Variants in PID1 observed in about 807,000 individuals in gnomAD.
PID1 encodes the protein PTB-containing, cubilin and LRP1-interacting protein.
Under a neutral mutation model 19.1 loss-of-function variants are expected in PID1, and 10 were observed. That is an observed-to-expected ratio of 0.52 (90% CI 0.32 to 0.89). PID1 has a LOEUF of 0.89. Among genes scored for constraint, PID1 ranks in the 40% least tolerant of loss-of-function variants. The pLI, the probability that PID1 is intolerant of heterozygous loss-of-function variation, is 0.03. For synonymous variants in PID1, 130 were observed against 116.0 expected (o/e 1.12, Z -0.78); for missense variants, 248 against 285.3 (o/e 0.87, Z 0.94).
At chr2:229,147,539 A>G (rs1435007896) in intron 2 of PID1, among the ~76,000 whole-genome samples, 2 of 151,968 alleles carry the variant, frequency 1.3e-5, no homozygotes, top group Non-Finnish European at 2.9e-5. Flanking sequence ...TTTTATAAAA[A>G]TGGATACTAA....
chr2:229,224,228 G>C (rs571582179), intron 1 of PID1, among the ~76,000 whole-genome samples: 3 of 152,190 alleles, frequency 2.0e-5, no homozygotes, highest in African/African-American at 7.2e-5. Context: ...ATACACTGTT[G>C]TTGGGAATGT....
Position 229,177,710 on chromosome 2 carries a change from T to C in PID1, c.31-21746A>G, listed in dbSNP as rs150477947. Among the ~76,000 whole-genome samples the C allele has an allele frequency of 3.9e-5, 6 of 152,314 alleles. No homozygotes were observed. The East Asian group carries it at 7.7e-4, about 20-fold the overall frequency. ...ACAGACTAGGGGAACAACTATCCAG[T>C]TGAACCCCTGGCATCTTTCATCATC... is the stretch of plus-strand genomic sequence containing the variant. On this transcript the variant is annotated intron_variant, in intron 1 of 2. Transcript: ENST00000392055.
At chr2:229,164,416 T>C (rs1690557662) in intron 1 of PID1, among the ~76,000 whole-genome samples, 1 of 152,010 alleles carries the variant, frequency 6.6e-6, no homozygotes. Context: ...TATAACACAA[T>C]ATAAACAGGT....
rs565296907 is a variant in PID1, at chr2:229,271,119, C to T, written c.-76G>A. 2 of 1,485,902 alleles carry T rather than the reference C, an allele frequency of 1.3e-6. No homozygotes were observed. The highest frequency in any genetic ancestry group is 1.2e-5 in the South Asian group (1 of 81,270). The allele number at this position is 1,485,902 out of a possible 1,614,324, so 92.0% of individuals were successfully genotyped here. On this transcript the variant is annotated 5_prime_UTR_variant, in exon 1 of 3. Coordinates refer to ENST00000392055, the MANE Select transcript of PID1 (RefSeq NM_001100818.2). ...CGCCGGGGGGCGAGGGGCTGGGGTCCCGCTTTACATCTGGGGTCGGTGTCC... is the reference window on the plus strand; with the variant it reads ...CGCCGGGGGGCGAGGGGCTGGGGTCTCGCTTTACATCTGGGGTCGGTGTCC...
At position 229,184,102 on chromosome 2, in the gene PID1, A is replaced by C. The variant is rs1231768475; in HGVS notation, c.31-28138T>G. 1.2e-4 allele frequency among the ~76,000 whole-genome samples: 3 copies of C among 24,880 alleles called. 1 individual carries two copies. Among genetic ancestry groups the C allele is most frequent in the Non-Finnish European group, 2.1e-4 (3 of 14,598 alleles). 16.3% of individuals were successfully genotyped at this position (24,880 alleles called of 152,430 possible). A position where few individuals can be genotyped will look rare whatever the true frequency, so the allele number is the denominator to read the frequency against. On this transcript the variant is annotated intron_variant, in intron 1 of 2. Transcript: ENST00000392055. ...TATCCCATATATATATCCCATATGT[A>C]TATCCCATATGTATATCCCATATGT...
intron 2 of PID1, among the ~76,000 whole-genome samples, chr2:229,042,217 ATAAAG>A (rs1265089200): frequency 6.6e-6 from 1 of 152,176 alleles, no homozygotes; most frequent in Non-Finnish European, 1.5e-5. Flanking sequence ...AATATAAATG[ATAAAG>A]TAAATAAATA....
At chr2:229,197,220 G>A (rs1691396682) in intron 1 of PID1, among the ~76,000 whole-genome samples, 1 of 151,958 alleles carries the variant, frequency 6.6e-6, no homozygotes, top group Non-Finnish European at 1.5e-5. Flanking sequence ...AATTATATAA[G>A]TAATAGTGGC....
chr2:229,152,883 A>C (rs1338286211), intron 2 of PID1, among the ~76,000 whole-genome samples: 6 of 151,990 alleles, frequency 3.9e-5, no homozygotes, highest in Non-Finnish European at 8.8e-5. Flanking sequence ...CCCAAACCCA[A>C]AGTTATAAGA....
intron 1 of PID1, among the ~76,000 whole-genome samples, chr2:229,246,323 T>C (rs926064122): frequency 2.6e-5 from 4 of 152,140 alleles, no homozygotes; most frequent in African/African-American, 9.7e-5. Flanking sequence ...GTAAATACCA[T>C]CCTCATTCAC....
In PID1 at chr2:229,240,689, G is replaced by A. The variant is rs949982267; in HGVS notation, c.30+30325C>T. On this transcript the variant is annotated intron_variant, in intron 1 of 2. Transcript: ENST00000392055. ...TATGATTTGCCTAAAAAACAAAAGTGTAGTTTTCTTTAGATGTCTCCCACT... is the reference window on the plus strand; with the variant it reads ...TATGATTTGCCTAAAAAACAAAAGTATAGTTTTCTTTAGATGTCTCCCACT... Among the ~76,000 whole-genome samples, 8 of 152,072 alleles carry A rather than the reference G, an allele frequency of 5.3e-5. 1 individual carries two copies. Among genetic ancestry groups the A allele is most frequent in the Admixed American group, 2.6e-4 (4 of 15,266 alleles).
At chr2:229,067,630 C>G (rs1050809477) in intron 2 of PID1, among the ~76,000 whole-genome samples, 1 of 152,146 alleles carries the variant, frequency 6.6e-6, no homozygotes, top group Non-Finnish European at 1.5e-5. Flanking sequence ...CTCTGCCCTG[C>G]CCATTACCAA....
chr2:229,055,783 A>G (rs1206837298), intron 2 of PID1, among the ~76,000 whole-genome samples: 1 of 152,228 alleles, frequency 6.6e-6, no homozygotes, highest in Non-Finnish European at 1.5e-5. Flanking sequence ...GGATTTGAAC[A>G]TTCTTCGGCA....
intron 2 of PID1, among the ~76,000 whole-genome samples, chr2:229,086,463 C>T (rs1694768338): frequency 6.6e-6 from 1 of 152,128 alleles, no homozygotes; most frequent in Non-Finnish European, 1.5e-5. Flanking sequence ...ACAGTTTCTA[C>T]TGAAGCCATA....
rs1369296334 is a variant in PID1 at position 229,025,652 on chromosome 2, A to G, written c.634T>C (p.Leu212=). Residue 212 remains leucine, a synonymous_variant, in exon 3 of 3, where the codon TTG becomes CTG. Coordinates refer to ENST00000392055, the MANE Select transcript of PID1 (RefSeq NM_001100818.2). ...NSSSEEVSQE[L]ESDDG is the part of the protein sequence containing the mutation. ...TTCATTCAGCCATCATCGGATTCCA[A>G]TTCCTGGGAAACCTCTTCGGAGGAG... 13 of 1,610,478 alleles carry G rather than the reference A, an allele frequency of 8.1e-6. No homozygotes were observed. Among genetic ancestry groups the G allele is most frequent in the Non-Finnish European group, 1.0e-5 (12 of 1,176,906 alleles).
intron 2 of PID1, among the ~76,000 whole-genome samples, chr2:229,046,609 A>C (rs1693887823): frequency 6.6e-6 from 1 of 152,038 alleles, no homozygotes; most frequent in Non-Finnish European, 1.5e-5. Context: ...AGCCCTAGAT[A>C]ATGAAAAACT....
chr2:229,222,593 T>TA (rs1691994731), intron 1 of PID1, among the ~76,000 whole-genome samples: 1 of 152,096 alleles, frequency 6.6e-6, no homozygotes, highest in South Asian at 2.1e-4. Flanking sequence ...AGACTAATAT[T>TA]AGAGTCAGTA....
intron 1 of PID1, among the ~76,000 whole-genome samples, chr2:229,164,567 A>G (rs1365524419): frequency 1.3e-5 from 2 of 152,196 alleles, no homozygotes; most frequent in Non-Finnish European, 2.9e-5. Context: ...AATGCTAACA[A>G]TCAATATTGT....
Position 229,025,370 on chromosome 2 carries a change from G to T in PID1, c.*262C>A. 1 of 369,604 alleles carries T rather than the reference G, an allele frequency of 2.7e-6. No individual in the cohort carries two copies. The highest frequency in any genetic ancestry group is 4.7e-5 in the East Asian group (1 of 21,220). The allele number at this position is 369,604 out of a possible 1,614,324, so 22.9% of individuals were successfully genotyped here. A position where few individuals can be genotyped will look rare whatever the true frequency, so the allele number is the denominator to read the frequency against. On this transcript the variant is annotated 3_prime_UTR_variant, in exon 3 of 3. Coordinates refer to ENST00000392055, the MANE Select transcript of PID1 (RefSeq NM_001100818.2). ...CTCCCACAGAGAGGCATTGGGAAATGAGAAAAATAAGAGAGCCTAGAACCT... is the reference window on the plus strand; with the variant it reads ...CTCCCACAGAGAGGCATTGGGAAATTAGAAAAATAAGAGAGCCTAGAACCT...
At chr2:229,152,441 C>T (rs964173620) in intron 2 of PID1, among the ~76,000 whole-genome samples, 22 of 152,102 alleles carry the variant, frequency 1.4e-4, no homozygotes, top group Middle Eastern at 3.2e-3. Context: ...TTCCACAATA[C>T]CATGTACACA....
Sources: allele counts gnomAD v4.1 joint callset (sites outside exome capture counted in the v4.1 genomes callset), GRCh38; gene constraint gnomAD v4.1.1; transcripts MANE v1.5; gene names NCBI Gene and HGNC (gene_info 2026-07-23, HGNC 2026-07-21).